The following CPQ variants were observed in gnomAD, a reference collection of about 807,000 sequenced individuals.
CPQ encodes the protein Ser-Met dipeptidase.
A neutral mutation model predicts 45.7 loss-of-function variants in CPQ; 37 were observed. That is an observed-to-expected ratio of 0.81 (90% CI 0.62 to 1.07). The LOEUF (loss-of-function observed/expected upper bound fraction) is 1.07, where lower values mean the gene tolerates loss of function less well. CPQ is among the 50% of genes least tolerant of loss of function. The pLI is 0.00. For synonymous variants in CPQ, 186 were observed against 205.8 expected (o/e 0.90, Z 0.82); for missense variants, 537 against 572.9 (o/e 0.94, Z 0.64).
At chr8:96,790,214 C>T (rs1413724089) in intron 2 of CPQ, among the ~76,000 whole-genome samples, 1 of 152,092 alleles carries the variant, frequency 6.6e-6, no homozygotes, top group African/African-American at 2.4e-5. Context: ...CTCTCTTCCC[C>T]CAGGAGAACA....
chr8:97,052,189 T>C (rs1176383881), intron 6 of CPQ, among the ~76,000 whole-genome samples: 1 of 152,238 alleles, frequency 6.6e-6, no homozygotes. Context: ...TATTCTCAGA[T>C]GAAGGAAATT....
At chr8:97,126,397 T>C (rs1050288026) in intron 7 of CPQ, among the ~76,000 whole-genome samples, 3 of 152,342 alleles carry the variant, frequency 2.0e-5, no homozygotes, top group Non-Finnish European at 4.4e-5. Flanking sequence ...CGGTCTTTTT[T>C]GTTATCAGGC....
rs533623134 is a variant in CPQ, at chr8:97,014,054, T to G, written c.962-15349T>G. On this transcript the variant is annotated intron_variant, in intron 5 of 7. Transcript: ENST00000220763. ...GACTGCTATAGGTGATAAGGGATGA[T>G]TAAAGGTTTTCATGCAGCCAGTGAC... Among the ~76,000 whole-genome samples, 43 of 152,242 alleles carry G rather than the reference T, an allele frequency of 2.8e-4. 1 individual carries two copies. In the South Asian group the frequency reaches 8.9e-3, roughly 32 times the overall value.
chr8:97,024,010 T>TAGG (rs747018159), intron 5 of CPQ, among the ~76,000 whole-genome samples: 29 of 152,332 alleles, frequency 1.9e-4, no homozygotes, highest in Non-Finnish European at 3.4e-4. Flanking sequence ...TCCTCAGCCA[T>TAGG]TGTTCCCTAA....
intron 3 of CPQ, among the ~76,000 whole-genome samples, chr8:96,858,006 A>G (rs562878435): frequency 1.3e-5 from 2 of 152,312 alleles, no homozygotes; most frequent in South Asian, 4.1e-4. Context: ...CTTAAATCAT[A>G]AACATGTTTG....
chr8:96,927,632 A>G (rs1251762641), intron 4 of CPQ, among the ~76,000 whole-genome samples: 1 of 152,190 alleles, frequency 6.6e-6, no homozygotes, highest in African/African-American at 2.4e-5. Context: ...CACCTTGTCA[A>G]ACAACTGGTG....
At chr8:97,027,425 A>G (rs573497837) in intron 5 of CPQ, among the ~76,000 whole-genome samples, 1 of 152,312 alleles carries the variant, frequency 6.6e-6, no homozygotes, top group African/African-American at 2.4e-5. Flanking sequence ...TTGAATGCCA[A>G]TTACATGCCA....
intron 7 of CPQ, among the ~76,000 whole-genome samples, chr8:97,119,035 T>C (rs1811646388): frequency 6.6e-6 from 1 of 152,016 alleles, no homozygotes; most frequent in Non-Finnish European, 1.5e-5. Context: ...AAATGTAAGA[T>C]TGATAGCCCA....
intron 6 of CPQ, among the ~76,000 whole-genome samples, chr8:97,040,664 G>A (rs1197649053): frequency 3.3e-5 from 5 of 152,246 alleles, no homozygotes; most frequent in Non-Finnish European, 7.4e-5. Flanking sequence ...TTTTGTATAA[G>A]GTGTAAGGAA....
chr8:96,786,966 C>G (rs1344483467), intron 2 of CPQ, among the ~76,000 whole-genome samples: 1 of 151,982 alleles, frequency 6.6e-6, no homozygotes, highest in African/African-American at 2.4e-5. Context: ...CTCTCCCATT[C>G]TGAGGACTGT....
At chr8:97,075,167 A>T (rs1219924794) in intron 7 of CPQ, among the ~76,000 whole-genome samples, 2 of 152,192 alleles carry the variant, frequency 1.3e-5, no homozygotes, top group African/African-American at 2.4e-5. Flanking sequence ...CAATTGCTTT[A>T]GAAAATCAGA....
At chr8:96,757,266 A>T (rs1227394112) in intron 1 of CPQ, among the ~76,000 whole-genome samples, 1 of 151,670 alleles carries the variant, frequency 6.6e-6, no homozygotes, top group Non-Finnish European at 1.5e-5. Flanking sequence ...CACAAGAATC[A>T]CTTGAACCTG....
intron 5 of CPQ, among the ~76,000 whole-genome samples, chr8:96,999,546 C>A: frequency 6.6e-6 from 1 of 152,038 alleles, no homozygotes; most frequent in Non-Finnish European, 1.5e-5. Context: ...CAGCTCCTTC[C>A]ATGTCCCTGC....
chr8:96,807,482 C>T (rs1811099509), intron 2 of CPQ, among the ~76,000 whole-genome samples: 1 of 152,160 alleles, frequency 6.6e-6, no homozygotes, highest in Non-Finnish European at 1.5e-5. Flanking sequence ...ATCCACCCGC[C>T]TGGACCTCCC....
chr8:96,917,987 G>A (rs769924516), intron 4 of CPQ, among the ~76,000 whole-genome samples: 65 of 152,076 alleles, frequency 4.3e-4, no homozygotes, highest in Middle Eastern at 3.2e-3. Flanking sequence ...ACCTTTAGCC[G>A]TATAGAGTGT....
At chr8:97,061,918 T>C (rs2130522051) in intron 6 of CPQ, among the ~76,000 whole-genome samples, 1 of 152,258 alleles carries the variant, frequency 6.6e-6, no homozygotes, top group Non-Finnish European at 1.5e-5. Context: ...TTGGTTGATG[T>C]GAGGGTCAAA....
At chr8:97,067,276 C>T (rs1282166839) in intron 7 of CPQ, among the ~76,000 whole-genome samples, 1 of 152,072 alleles carries the variant, frequency 6.6e-6, no homozygotes, top group East Asian at 1.9e-4. Context: ...ACAAAGTTAC[C>T]TAAGCCTGGC....
intron 4 of CPQ, among the ~76,000 whole-genome samples, chr8:96,917,299 G>A (rs1812746290): frequency 6.6e-6 from 1 of 152,014 alleles, no homozygotes; most frequent in South Asian, 2.1e-4. Context: ...GTAGATACAT[G>A]AATACTTATT....
chr8:97,073,805 A>G (rs1387340230), intron 7 of CPQ, among the ~76,000 whole-genome samples: 3 of 152,236 alleles, frequency 2.0e-5, no homozygotes, highest in Non-Finnish European at 4.4e-5. Flanking sequence ...AAGGCTATAC[A>G]GAGAATTATA....
Sources: gnomAD v4.1 joint callset for allele counts (sites outside exome capture counted in the v4.1 genomes callset) on GRCh38, gnomAD v4.1.1 for gene constraint, MANE v1.5 for transcripts, NCBI Gene and HGNC (gene_info 2026-07-23, HGNC 2026-07-21) for gene names.